Variants in RBMS3 observed in about 807,000 individuals in gnomAD.
The protein encoded by RBMS3 is RNA-binding motif, single-stranded-interacting protein 3.
Under a neutral mutation model 66.8 loss-of-function variants are expected in RBMS3, and 27 were observed. The ratio of observed to expected loss-of-function variants is 0.40; its 90% CI spans 0.30 to 0.56. RBMS3 has a LOEUF of 0.56. Ranked by LOEUF, RBMS3 falls within the 20% of genes least tolerant of loss-of-function variation. The probability of loss-of-function intolerance (pLI) is 0.40; values close to 1 mark genes in which losing one functional copy is unlikely to be tolerated. For synonymous variants in RBMS3, 188 were observed against 183.0 expected (o/e 1.03, Z -0.22); for missense variants, 513 against 549.5 (o/e 0.93, Z 0.66).
At chr3:29,628,475 C>T (rs891940750) in intron 4 of RBMS3, among the ~76,000 whole-genome samples, 3 of 152,048 alleles carry the variant, frequency 2.0e-5, no homozygotes, top group African/African-American at 7.2e-5. Flanking sequence ...TGGTACTTGC[C>T]GTATCCAACT....
At chr3:29,552,677 TA>T (rs1027643349) in intron 3 of RBMS3, among the ~76,000 whole-genome samples, 3 of 151,996 alleles carry the variant, frequency 2.0e-5, no homozygotes, top group South Asian at 2.1e-4. Flanking sequence ...AAAAGAAAAT[TA>T]AAAAAAATAT....
At chr3:29,656,392 A>G (rs1283836912) in intron 4 of RBMS3, among the ~76,000 whole-genome samples, 2 of 152,228 alleles carry the variant, frequency 1.3e-5, no homozygotes, top group South Asian at 2.1e-4. Flanking sequence ...GTACAGTAAC[A>G]TGCTATACAA....
At chr3:29,759,316 T>C (rs1490754658) in intron 5 of RBMS3, among the ~76,000 whole-genome samples, 1 of 152,128 alleles carries the variant, frequency 6.6e-6, no homozygotes, top group East Asian at 1.9e-4. Flanking sequence ...GGACCTTTAA[T>C]GTGTATTTAT....
intron 10 of RBMS3, among the ~76,000 whole-genome samples, chr3:29,912,161 A>G (rs181324532): frequency 6.6e-6 from 1 of 152,168 alleles, no homozygotes; most frequent in African/African-American, 2.4e-5. Context: ...TTCTTTCCCA[A>G]CTACAGTATA....
chr3:29,890,773 A>G (rs1172134211), intron 8 of RBMS3, among the ~76,000 whole-genome samples: 1 of 151,682 alleles, frequency 6.6e-6, no homozygotes, highest in Non-Finnish European at 1.5e-5. Context: ...GAAGGAGTAC[A>G]CAAGAAAGCA....
At position 29,287,352 on chromosome 3, in the gene RBMS3, TTC is replaced by T. The variant is rs544666631; in HGVS notation, c.75+5598_75+5599del. On this transcript the variant is annotated intron_variant, in intron 1 of 14. Transcript: ENST00000383767. ...CAAAAAGCAAAAGTGACTTTCTCATTTCTGTTTTGAAATTATAAATTTTTTTT... is the reference window on the plus strand; with the variant it reads ...CAAAAAGCAAAAGTGACTTTCTCATTTGTTTTGAAATTATAAATTTTTTTT... Among the ~76,000 whole-genome samples the T allele has an allele frequency of 1.1e-3, 161 of 152,224 alleles. 2 individuals carry two copies. Among genetic ancestry groups the T allele is most frequent in the African/African-American group, 3.7e-3 (154 of 41,568 alleles).
intron 2 of RBMS3, among the ~76,000 whole-genome samples, chr3:29,444,717 T>A (rs1400178534): frequency 1.3e-5 from 2 of 149,200 alleles, no homozygotes; most frequent in African/African-American, 4.9e-5. Context: ...TGTAGACAAG[T>A]ACAAGCTAAA....
chr3:29,662,385 T>C (rs1297232717), intron 4 of RBMS3, among the ~76,000 whole-genome samples: 1 of 152,240 alleles, frequency 6.6e-6, no homozygotes, highest in Non-Finnish European at 1.5e-5. Context: ...AATAAATGTT[T>C]AATATTTTTC....
At chr3:29,495,966 AC>A (rs1176683144) in intron 3 of RBMS3, among the ~76,000 whole-genome samples, 6 of 152,088 alleles carry the variant, frequency 3.9e-5, no homozygotes, top group Admixed American at 3.9e-4. Context: ...AGAAACCAAC[AC>A]CATGGAAAGC....
chr3:29,839,576 A>G (rs987382325), intron 6 of RBMS3, among the ~76,000 whole-genome samples: 4 of 151,880 alleles, frequency 2.6e-5, no homozygotes, highest in Non-Finnish European at 4.4e-5. Context: ...AGTCCTCAGG[A>G]AAAAAAGAGA....
rs1037361805 is a variant in RBMS3, at chr3:29,707,010, A to G, written c.400-32710A>G. ...CCCTTTTAGGATGGCAAATTAATGG[A>G]GAGGGGTGAGCTTTGTACTTTTCAA... On this transcript the variant is annotated intron_variant, in intron 4 of 14. Coordinates refer to ENST00000383767, the MANE Select transcript of RBMS3 (RefSeq NM_001003793.3). Among the ~76,000 whole-genome samples, 203 of 152,162 alleles carry G rather than the reference A, an allele frequency of 1.3e-3. 1 individual carries two copies. Among genetic ancestry groups the G allele is most frequent in the Non-Finnish European group, 1.9e-3 (128 of 68,018 alleles).
chr3:29,584,370 C>A (rs1410207662), intron 3 of RBMS3, among the ~76,000 whole-genome samples: 3 of 151,990 alleles, frequency 2.0e-5, no homozygotes, highest in Admixed American at 6.6e-5. Flanking sequence ...GGACCTATTT[C>A]TTTTATACTT....
At chr3:29,613,476 A>G (rs2048559989) in intron 4 of RBMS3, among the ~76,000 whole-genome samples, 1 of 152,030 alleles carries the variant, frequency 6.6e-6, no homozygotes, top group East Asian at 1.9e-4. Flanking sequence ...TACATTTCCT[A>G]CTAATTAGCC....
At chr3:29,902,461 T>A (rs1044002347) in intron 10 of RBMS3, among the ~76,000 whole-genome samples, 1 of 151,846 alleles carries the variant, frequency 6.6e-6, no homozygotes, top group Non-Finnish European at 1.5e-5. Flanking sequence ...CTAATGAGTT[T>A]GGTGGAGAAA....
At chr3:29,371,873 T>A (rs562497499) in intron 1 of RBMS3, among the ~76,000 whole-genome samples, 10 of 152,184 alleles carry the variant, frequency 6.6e-5, no homozygotes, top group African/African-American at 1.4e-4. Flanking sequence ...AAGTTTTTTT[T>A]AAATTATTTT....
At chr3:29,837,053 C>T (rs1187364059) in intron 6 of RBMS3, among the ~76,000 whole-genome samples, 2 of 151,954 alleles carry the variant, frequency 1.3e-5, no homozygotes, top group Admixed American at 1.3e-4. Flanking sequence ...GCCATAATGC[C>T]TAACCCAGTC....
intron 4 of RBMS3, among the ~76,000 whole-genome samples, chr3:29,646,115 A>G (rs538388891): frequency 6.6e-6 from 1 of 152,338 alleles, no homozygotes; most frequent in East Asian, 1.9e-4. Context: ...TTAAATTGAA[A>G]TTTAAATTCA....
intron 10 of RBMS3, among the ~76,000 whole-genome samples, chr3:29,932,102 T>C (rs1452657740): frequency 6.6e-6 from 1 of 152,174 alleles, no homozygotes; most frequent in Non-Finnish European, 1.5e-5. Context: ...ATATGAAGGA[T>C]TCCCAATGTG....
intron 4 of RBMS3, among the ~76,000 whole-genome samples, chr3:29,688,494 G>A (rs1576528063): frequency 6.7e-6 from 1 of 148,502 alleles, no homozygotes; most frequent in East Asian, 2.0e-4. Flanking sequence ...TTTAACCTCT[G>A]GTTTAGTATA....
Sources: allele counts gnomAD v4.1 joint callset (sites outside exome capture counted in the v4.1 genomes callset), GRCh38; gene constraint gnomAD v4.1.1; transcripts MANE v1.5; gene names NCBI Gene and HGNC (gene_info 2026-07-23, HGNC 2026-07-21).